The following DCAF12 variants were observed in gnomAD, a reference collection of about 807,000 sequenced individuals.
DCAF12 encodes DDB1- and CUL4-associated factor 12.
A neutral mutation model predicts 52.8 loss-of-function variants in DCAF12; 28 were observed. The observed-to-expected ratio is 0.53, with a 90% CI of 0.39 to 0.73. The LOEUF (loss-of-function observed/expected upper bound fraction) is 0.73, where lower values mean the gene tolerates loss of function less well. Among genes scored for constraint, DCAF12 ranks in the 30% least tolerant of loss-of-function variants. The pLI is 0.00. For synonymous variants in DCAF12, 196 were observed against 215.5 expected, an observed-to-expected ratio of 0.91 and a Z score of 0.79; for missense variants, 425 against 552.2, an observed-to-expected ratio of 0.77 and a Z score of 2.31.
At chr9:34,111,940 G>A (rs368203372) in intron 2 of DCAF12, among the ~76,000 whole-genome samples, 1 of 151,458 alleles carries the variant, frequency 6.6e-6, no homozygotes, top group South Asian at 2.1e-4. Flanking sequence ...TTCAAGACTA[G>A]CCTGGCAAAC....
Position 34,125,108 on chromosome 9 carries a change from T to C in DCAF12, c.248A>G (p.Glu83Gly), listed in dbSNP as rs755272062. 6.2e-7 allele frequency: 1 copy of C among 1,614,042 alleles called. No homozygotes were observed. Among genetic ancestry groups the C allele is most frequent in the Non-Finnish European group, 8.5e-7 (1 of 1,180,008 alleles). Residue 83 changes from glutamate (E) to glycine (G), a missense_variant, in exon 2 of 9, where the codon GAG becomes GGG. This residue lies in a region of DCAF12 where 328 missense variants were observed against 444.4 expected (regional missense o/e 0.74). Coordinates refer to ENST00000361264, the MANE Select transcript of DCAF12 (RefSeq NM_015397.4). Reference sequence around the variant, plus strand: ...TTTATTAAGGGTCCCAAGGTGAAACTCTCTCTCCTTCAGGAGACTGGGAAG... The same window carrying C: ...TTTATTAAGGGTCCCAAGGTGAAACCCTCTCTCCTTCAGGAGACTGGGAAG... ...QQLPSLLKEREFHLGTLNKVF... is the reference protein window; with the variant it reads ...QQLPSLLKERGFHLGTLNKVF...
chr9:34,115,024 TA>T (rs1381751008), intron 2 of DCAF12, among the ~76,000 whole-genome samples: 2 of 152,042 alleles, frequency 1.3e-5, no homozygotes, highest in African/African-American at 4.8e-5. Flanking sequence ...ACAATGTTTC[TA>T]AAATTCAAGG....
chr9:34,091,639 C>T (rs376925774), intron 7 of DCAF12, among the ~76,000 whole-genome samples: 2 of 80,508 alleles, frequency 2.5e-5, no homozygotes, highest in East Asian at 8.6e-4. Flanking sequence ...ACCCTGTCTT[C>T]AAAAAAAAAA....
At chr9:34,106,153 C>T (rs1213334978) in intron 4 of DCAF12, among the ~76,000 whole-genome samples, 2 of 152,128 alleles carry the variant, frequency 1.3e-5, no homozygotes, top group Non-Finnish European at 2.9e-5. Flanking sequence ...AGTGCAGTGG[C>T]ACGATCACAG....
At chr9:34,113,893 G>A (rs1829044504) in intron 2 of DCAF12, among the ~76,000 whole-genome samples, 1 of 152,074 alleles carries the variant, frequency 6.6e-6, no homozygotes, top group Non-Finnish European at 1.5e-5. Context: ...CGGATCATGA[G>A]GTTAGGAGAT....
At chr9:34,119,285 G>A (rs757285469) in intron 2 of DCAF12, among the ~76,000 whole-genome samples, 12 of 152,126 alleles carry the variant, frequency 7.9e-5, no homozygotes, top group Non-Finnish European at 1.3e-4. Context: ...TTGTACAAAC[G>A]ATACTTTATC....
At chr9:34,118,619 T>C (rs2131442600) in intron 2 of DCAF12, among the ~76,000 whole-genome samples, 1 of 152,222 alleles carries the variant, frequency 6.6e-6, no homozygotes, top group Non-Finnish European at 1.5e-5. Flanking sequence ...GCAGAGACGG[T>C]AATTACGTAT....
At chr9:34,093,167 C>T (rs1454663668) in intron 7 of DCAF12, 119 bp downstream of exon 7, 1 of 1,315,702 alleles carries the variant, frequency 7.6e-7, no homozygotes, top group African/African-American at 1.5e-5. Flanking sequence ...CCTTTTTGAA[C>T]ACACTTCCAA....
chr9:34,116,230 G>A (rs1467071215), intron 2 of DCAF12, among the ~76,000 whole-genome samples: 2 of 151,612 alleles, frequency 1.3e-5, no homozygotes, highest in East Asian at 3.9e-4. Flanking sequence ...GGTGGCAGTC[G>A]CCTTTAATCC....
chr9:34,097,447 G>A (rs528699038), intron 5 of DCAF12, among the ~76,000 whole-genome samples: 2 of 151,740 alleles, frequency 1.3e-5, no homozygotes, highest in South Asian at 4.2e-4. Flanking sequence ...AGTAAACATG[G>A]GGTTTTACCA....
Position 34,126,344 on chromosome 9 carries a change from C to A in DCAF12, c.78+10G>T. 6.2e-7 allele frequency: 1 copy of A among 1,612,282 alleles called. No individual in the cohort carries two copies. The highest frequency in any genetic ancestry group is 1.1e-5 in the South Asian group (1 of 90,940). Reference sequence around the variant, plus strand: ...CCTCACCACCCAGGTGCCGGCCTCTCAACCCTCACCTGCGGGCCCTGAGCG... The same window carrying A: ...CCTCACCACCCAGGTGCCGGCCTCTAAACCCTCACCTGCGGGCCCTGAGCG... On this transcript the variant is annotated intron_variant, in intron 1 of 8. Coordinates refer to ENST00000361264, the MANE Select transcript of DCAF12 (RefSeq NM_015397.4).
Position 34,093,298 on chromosome 9 carries a change from C to T in DCAF12, c.1012G>A (p.Glu338Lys). The change falls in exon 7 of 9, where the codon GAG becomes AAG. Residue 338 changes from glutamate to lysine, a missense_variant. Glu to Lys is a moderately conservative substitution (Grantham distance 56). Around this residue, in one of 3 missense-constraint regions of DCAF12, gnomAD observed 328 missense variants for 444.4 expected, o/e 0.74. Coordinates refer to ENST00000361264, the MANE Select transcript of DCAF12 (RefSeq NM_015397.4). Reference protein sequence around the residue: ...SYNVKSVCSRERGSGIRSVSF... With the variant: ...SYNVKSVCSRKRGSGIRSVSF... ...CAGGGACTCTTACCACTGCCTCGCT[C>T]CCTGGAACAGACAGACTTGACGTTG... 2 of 1,614,170 alleles carry T rather than the reference C, an allele frequency of 1.2e-6. No homozygotes were observed. The highest frequency in any genetic ancestry group is 1.1e-5 in the South Asian group (1 of 91,082).
intron 2 of DCAF12, among the ~76,000 whole-genome samples, chr9:34,123,120 C>T (rs1045257000): frequency 1.4e-4 from 21 of 152,178 alleles, no homozygotes; most frequent in African/African-American, 4.8e-4. Context: ...CTAGCTGGGG[C>T]CAAGAAATCT....
At chr9:34,097,670 C>A (rs142299954) in intron 5 of DCAF12, among the ~76,000 whole-genome samples, 1 of 151,992 alleles carries the variant, frequency 6.6e-6, no homozygotes, top group African/African-American at 2.4e-5. Flanking sequence ...TGGTGGCTCA[C>A]GCCTGTAATC....
intron 2 of DCAF12, among the ~76,000 whole-genome samples, chr9:34,108,109 C>T (rs1238708316): frequency 6.6e-6 from 1 of 152,194 alleles, no homozygotes; most frequent in Admixed American, 6.5e-5. Context: ...CCTATTCCTC[C>T]CTGCCTTTGC....
intron 7 of DCAF12, among the ~76,000 whole-genome samples, chr9:34,092,671 C>A (rs1357001241): frequency 6.7e-6 from 1 of 148,192 alleles, no homozygotes; most frequent in Non-Finnish European, 1.5e-5. Context: ...GGCAAAAGAG[C>A]GAGACTCTGT....
intron 2 of DCAF12, chr9:34,109,778 C>T: frequency 5.9e-6 from 2 of 337,682 alleles, no homozygotes; most frequent in South Asian, 5.7e-5. Context: ...ACTCACAGTG[C>T]AGACACCAGG....
chr9:34,096,660 T>G, intron 6 of DCAF12, 56 bp downstream of exon 6: 7 of 1,451,726 alleles, frequency 4.8e-6, no homozygotes, highest in Non-Finnish European at 6.7e-6. Flanking sequence ...AGAATTACAG[T>G]ATTTTAACTG....
intron 2 of DCAF12, among the ~76,000 whole-genome samples, chr9:34,120,143 C>T (rs1829148418): frequency 8.1e-6 from 1 of 122,832 alleles, no homozygotes. Context: ...GCGGAGGTTG[C>T]AGTGAGCTGA....
Sources: allele counts gnomAD v4.1 joint callset (sites outside exome capture counted in the v4.1 genomes callset), GRCh38; gene constraint gnomAD v4.1.1; regional missense constraint gnomAD v4.1.1; transcripts MANE v1.5; gene names NCBI Gene and HGNC (gene_info 2026-07-23, HGNC 2026-07-21).